Variants in FMN1 observed in about 807,000 individuals in gnomAD.
The protein encoded by FMN1 is formin 1, also known as formin-1.
Under a neutral mutation model 132.4 loss-of-function variants are expected in FMN1, and 110 were observed. The ratio of observed to expected loss-of-function variants is 0.83; its 90% CI spans 0.71 to 0.97. FMN1 has a LOEUF of 0.97. Among genes scored for constraint, FMN1 ranks in the 50% least tolerant of loss-of-function variants. The probability of loss-of-function intolerance (pLI) is 0.00; values close to 1 mark genes in which losing one functional copy is unlikely to be tolerated. For synonymous variants in FMN1, 722 were observed against 651.7 expected, an observed-to-expected ratio of 1.11 and a Z score of -1.64; for missense variants, 1,792 against 1,705.3, an observed-to-expected ratio of 1.05 and a Z score of -0.90.
intron 4 of FMN1, among the ~76,000 whole-genome samples, chr15:33,141,694 T>C (rs1009042664): frequency 6.6e-6 from 1 of 152,052 alleles, no homozygotes; most frequent in African/African-American, 2.4e-5. Flanking sequence ...CACAGATAAG[T>C]CATTGGTCAG....
chr15:32,890,546 G>T (rs1027620020), intron 15 of FMN1, among the ~76,000 whole-genome samples: 2 of 152,132 alleles, frequency 1.3e-5, no homozygotes, highest in East Asian at 3.9e-4. Context: ...TTTCATGTTT[G>T]TTGGCCATTT....
chr15:32,808,691 C>G (rs1428961972), intron 17 of FMN1, among the ~76,000 whole-genome samples: 2 of 152,154 alleles, frequency 1.3e-5, no homozygotes, highest in African/African-American at 4.8e-5. Flanking sequence ...TGAGATTAAT[C>G]TAGTGACTGA....
chr15:33,048,804 C>T (rs556527393), intron 6 of FMN1, among the ~76,000 whole-genome samples: 9 of 152,088 alleles, frequency 5.9e-5, no homozygotes, highest in Admixed American at 3.9e-4. Context: ...CATCAGATTT[C>T]ATGAGACTTA....
intron 9 of FMN1, among the ~76,000 whole-genome samples, chr15:32,943,712 T>C (rs1276058863): frequency 6.6e-6 from 1 of 152,212 alleles, no homozygotes; most frequent in Non-Finnish European, 1.5e-5. Context: ...TAAATTAGTA[T>C]AGGGTCTAAA....
chr15:32,983,863 G>A (rs1261874253), intron 7 of FMN1, among the ~76,000 whole-genome samples: 3 of 152,168 alleles, frequency 2.0e-5, no homozygotes, highest in Non-Finnish European at 4.4e-5. Context: ...TGAATTCAGC[G>A]CTAAGACAGG....
intron 6 of FMN1, among the ~76,000 whole-genome samples, chr15:33,058,265 G>A (rs917545087): frequency 4.6e-5 from 7 of 152,124 alleles, no homozygotes; most frequent in Non-Finnish European, 8.8e-5. Context: ...GAAAGACGAC[G>A]ACTGAAAAAT....
At chr15:33,012,314 G>A (rs2034775045) in intron 6 of FMN1, 8 of 781,876 alleles carry the variant, frequency 1.0e-5, no homozygotes, top group Middle Eastern at 3.6e-4. Context: ...TGCCACCGTG[G>A]AGGAGGCAGA....
chr15:32,830,855 T>C (rs2058483530), intron 17 of FMN1, among the ~76,000 whole-genome samples: 1 of 152,106 alleles, frequency 6.6e-6, no homozygotes, highest in Admixed American at 6.5e-5. Flanking sequence ...AGTGTTCAAG[T>C]AGTGCAAATG....
Position 32,883,374 on chromosome 15 carries a change from G to C in FMN1, c.3835+4798C>G, listed in dbSNP as rs138317389. Among the ~76,000 whole-genome samples, 287 of 151,940 alleles carry C rather than the reference G, an allele frequency of 1.9e-3. 2 individuals carry two copies. The highest frequency in any genetic ancestry group is 6.3e-3 in the African/African-American group (260 of 41,446). On this transcript the variant is annotated intron_variant, in intron 16 of 20. Transcript: ENST00000616417. ...CAATTTACAAAATTAGCTGGGCGTG[G>C]TGGTATACATCTGTAGTCCCAGCTG...
intron 15 of FMN1, among the ~76,000 whole-genome samples, chr15:32,890,000 C>T (rs982252589): frequency 1.3e-5 from 2 of 152,236 alleles, no homozygotes; most frequent in African/African-American, 4.8e-5. Context: ...TTAGCTACCA[C>T]ATATCAGTGA....
chr15:32,918,510 C>T (rs975928052), intron 10 of FMN1, among the ~76,000 whole-genome samples: 2 of 152,050 alleles, frequency 1.3e-5, no homozygotes, highest in Non-Finnish European at 2.9e-5. Flanking sequence ...ACTTCAAAAT[C>T]ACTCAATCTC....
chr15:33,186,628 C>T (rs1399205965), intron 2 of FMN1, among the ~76,000 whole-genome samples: 1 of 152,184 alleles, frequency 6.6e-6, no homozygotes, highest in Non-Finnish European at 1.5e-5. Context: ...TCTTAAGTTT[C>T]AGTTTCCTCT....
At chr15:32,906,050 T>G (rs11637250) in intron 12 of FMN1, among the ~76,000 whole-genome samples, 11,913 of 152,210 alleles carry the variant, frequency 0.078, 515 homozygotes, top group African/African-American at 0.12. Context: ...AGATCATCAG[T>G]AGAGAAAACA....
At chr15:33,137,853 A>G (rs1319968871) in intron 4 of FMN1, among the ~76,000 whole-genome samples, 1 of 152,196 alleles carries the variant, frequency 6.6e-6, no homozygotes, top group African/African-American at 2.4e-5. Context: ...TACAAGGCAC[A>G]GTCATGAAGA....
At chr15:32,973,946 T>C (rs746875926) in intron 7 of FMN1, among the ~76,000 whole-genome samples, 1 of 152,202 alleles carries the variant, frequency 6.6e-6, no homozygotes, top group Non-Finnish European at 1.5e-5. Flanking sequence ...GGTAATGATT[T>C]GGTGATTCTA....
At chr15:33,168,483 T>A (rs1041510073) in intron 3 of FMN1, among the ~76,000 whole-genome samples, 1 of 152,194 alleles carries the variant, frequency 6.6e-6, no homozygotes, top group African/African-American at 2.4e-5. Context: ...TTAGTGCTCA[T>A]GGTTTAAGGT....
chr15:32,969,550 A>C, intron 7 of FMN1, 73 bp from the exon 8 acceptor site: 1 of 1,506,502 alleles, frequency 6.6e-7, no homozygotes, highest in Non-Finnish European at 9.0e-7. Flanking sequence ...GAAACTCAAT[A>C]ATACCATCAT....
intron 17 of FMN1, among the ~76,000 whole-genome samples, chr15:32,856,515 T>C (rs189656202): frequency 6.6e-6 from 1 of 152,276 alleles, no homozygotes; most frequent in African/African-American, 2.4e-5. Flanking sequence ...GGCTGATAGG[T>C]AGCAAGTGAT....
At chr15:33,114,788 G>A (rs573686423) in intron 4 of FMN1, among the ~76,000 whole-genome samples, 1 of 152,262 alleles carries the variant, frequency 6.6e-6, no homozygotes, top group African/African-American at 2.4e-5. Context: ...TATCATTAAA[G>A]GAATAGAAAT....
Sources: allele counts gnomAD v4.1 joint callset (sites outside exome capture counted in the v4.1 genomes callset), GRCh38; gene constraint gnomAD v4.1.1; transcripts MANE v1.5; gene names NCBI Gene and HGNC (gene_info 2026-07-23, HGNC 2026-07-21).